The following SLC7A9 variants were observed in gnomAD, a reference collection of about 807,000 sequenced individuals.
The protein encoded by SLC7A9 is B(0,+)-type amino acid transporter 1.
Under a neutral mutation model 54.1 loss-of-function variants are expected in SLC7A9, and 38 were observed. That is an observed-to-expected ratio of 0.70 (90% CI 0.54 to 0.92). The LOEUF is 0.92. Ranked by LOEUF, SLC7A9 falls within the 40% of genes least tolerant of loss-of-function variation. The pLI is 0.00. For synonymous variants in SLC7A9, 264 were observed against 258.9 expected, an observed-to-expected ratio of 1.02 and a Z score of -0.19; for missense variants, 537 against 636.1, an observed-to-expected ratio of 0.84 and a Z score of 1.68.
chr19:32,840,592 A>G (rs1157383945), intron 11 of SLC7A9, among the ~76,000 whole-genome samples: 3 of 152,002 alleles, frequency 2.0e-5, no homozygotes, highest in Non-Finnish European at 4.4e-5. Context: ...AGAGATTTGT[A>G]TCCACAGGCT....
chr19:32,865,231 C>T (rs553017064), intron 2 of SLC7A9, among the ~76,000 whole-genome samples: 20 of 152,294 alleles, frequency 1.3e-4, no homozygotes, highest in Non-Finnish European at 1.8e-4. Context: ...GGGTGAGCAA[C>T]GGAGGCCTCC....
intron 10 of SLC7A9, 97 bp from the exon 11 acceptor site, chr19:32,842,414 CT>C: frequency 8.0e-7 from 1 of 1,247,208 alleles, no homozygotes; most frequent in Non-Finnish European, 1.2e-6. Flanking sequence ...TGAATAAACA[CT>C]TTAGCATGAA....
At chr19:32,868,427 C>T (rs758291409) in intron 2 of SLC7A9, 21 bp downstream of exon 2, 13 of 1,605,222 alleles carry the variant, frequency 8.1e-6, no homozygotes, top group Admixed American at 3.3e-5. Context: ...AAAGGGCCTG[C>T]CCCACCAGAG....
intron 11 of SLC7A9, among the ~76,000 whole-genome samples, chr19:32,834,659 A>C (rs189635917): frequency 6.6e-4 from 101 of 152,242 alleles, no homozygotes; most frequent in Admixed American, 1.3e-3. Flanking sequence ...GGGTGATTGG[A>C]GTACTCATTA....
intron 2 of SLC7A9, among the ~76,000 whole-genome samples, chr19:32,865,965 A>G (rs1339552463): frequency 1.3e-5 from 2 of 151,992 alleles, no homozygotes; most frequent in South Asian, 4.2e-4. Flanking sequence ...TCTCAAAAAA[A>G]AAAAAAAAAA....
rs143927415 is a variant in SLC7A9 at position 32,842,196 on chromosome 19, G to A, written c.1196C>T (p.Thr399Ile). The A allele has an allele frequency of 1.9e-5, 31 of 1,613,980 alleles. No homozygotes were observed. The highest frequency in any genetic ancestry group is 2.5e-5 in the Non-Finnish European group (30 of 1,180,040). The change falls in exon 11 of 13, where the codon ACA (threonine) becomes ATA (isoleucine). Residue 399 changes from threonine to isoleucine, a missense_variant. Transcript: ENST00000023064. ...TILGLIVMRF[T>I]RKELERPIKV... ...GATAGGCCTTTCCAGCTCTTTCCTTGTAAATCTCATCACGATGAGTCCTAG... is the reference window on the plus strand; with the variant it reads ...GATAGGCCTTTCCAGCTCTTTCCTTATAAATCTCATCACGATGAGTCCTAG...
Position 32,859,886 on chromosome 19 carries a change from G to A in SLC7A9, c.828C>T (p.Thr276=), listed in dbSNP as rs141334788. ...CYILMNVSYF[T]VMTATELLQS... The stretch of plus-strand genomic sequence containing the variant: ...GCAGGAGTTCGGTGGCAGTCATCAC[G>A]GTGAAGTAGGACACGTTCATGAGGA... The change falls in exon 8 of 13, where the codon ACC becomes ACT. Residue 276 remains threonine, a synonymous_variant. Transcript: ENST00000023064. 3.3e-5 allele frequency: 54 copies of A among 1,614,040 alleles called. No individual in the cohort carries two copies. Among genetic ancestry groups the A allele is most frequent in the South Asian group, 9.9e-5 (9 of 91,080 alleles).
intron 11 of SLC7A9, among the ~76,000 whole-genome samples, chr19:32,837,999 T>C (rs1347531284): frequency 6.6e-6 from 1 of 152,150 alleles, no homozygotes. Flanking sequence ...AGGAAGGTAT[T>C]CTGAGGGAGA....
chr19:32,842,338 T>C (rs752734048), intron 10 of SLC7A9, 21 bp from the exon 11 acceptor site: 4 of 1,609,824 alleles, frequency 2.5e-6, no homozygotes. Flanking sequence ...GAAGAATGGA[T>C]TTGTAGGTCA....
chr19:32,850,307 T>C (rs1293434229), intron 9 of SLC7A9, among the ~76,000 whole-genome samples: 4 of 148,672 alleles, frequency 2.7e-5, no homozygotes, highest in Non-Finnish European at 4.5e-5. Flanking sequence ...CAAAATCTCC[T>C]TAAGCTGATA....
chr19:32,835,580 T>A (rs542704822), intron 11 of SLC7A9, among the ~76,000 whole-genome samples: 18 of 152,254 alleles, frequency 1.2e-4, no homozygotes, highest in Middle Eastern at 3.4e-3. Context: ...ATCAGACAAT[T>A]CCAGTATTGC....
intron 7 of SLC7A9, chr19:32,860,216 T>C: frequency 2.8e-6 from 4 of 1,446,118 alleles, no homozygotes; most frequent in Non-Finnish European, 3.6e-6. Flanking sequence ...GCCACTGCTC[T>C]GTCCCAAACC....
chr19:32,860,910 G>A (rs1200215370), intron 6 of SLC7A9, among the ~76,000 whole-genome samples: 1 of 152,200 alleles, frequency 6.6e-6, no homozygotes, highest in Non-Finnish European at 1.5e-5. Context: ...GAATAATCAG[G>A]AGTAGTGAGT....
chr19:32,842,206 T>C lies in SLC7A9; in HGVS notation c.1186A>G (p.Met396Val). The change falls in exon 11 of 13, where the codon ATG becomes GTG. Residue 396 changes from methionine (M) to valine (V), a missense_variant. By Grantham distance (21) the Met-to-Val change is conservative. Coordinates refer to ENST00000023064, the MANE Select transcript of SLC7A9 (RefSeq NM_014270.5). ...YGLTILGLIV[M>V]RFTRKELERP... The stretch of plus-strand genomic sequence containing the variant: ...TCCAGCTCTTTCCTTGTAAATCTCA[T>C]CACGATGAGTCCTAGAATCGTCAGG... The C allele has an allele frequency of 6.2e-7, 1 of 1,614,106 alleles. No individual in the cohort carries two copies. The highest frequency in any genetic ancestry group is 1.1e-5 in the South Asian group (1 of 91,068).
chr19:32,867,718 G>A (rs1461619489), intron 2 of SLC7A9, among the ~76,000 whole-genome samples: 1 of 151,992 alleles, frequency 6.6e-6, no homozygotes, highest in East Asian at 1.9e-4. Flanking sequence ...GCCGAGGTGG[G>A]CGGATCACTT....
At chr19:32,868,272 G>A (rs891674636) in intron 2 of SLC7A9, among the ~76,000 whole-genome samples, 176 bp downstream of exon 2, 1 of 151,128 alleles carries the variant, frequency 6.6e-6, no homozygotes, top group Admixed American at 6.6e-5. Context: ...ATTCCCTGGC[G>A]AGAGGGAAAG....
intron 9 of SLC7A9, 91 bp downstream of exon 9, chr19:32,858,346 GAAC>G: frequency 1.1e-6 from 1 of 900,834 alleles, no homozygotes; most frequent in South Asian, 1.4e-5. Flanking sequence ...TCGCCTGGCA[GAAC>G]CCTGAGGATT....
chr19:32,833,295 GTCA>G lies in SLC7A9; in HGVS notation c.1250_1252del (p.Met417del). ...CAGAACCAAAAACACAGAGATGAGT[GTCA>G]TCAAGACGGGAATGACTACGGGCAC... is the stretch of plus-strand genomic sequence containing the variant. On this transcript the variant is annotated inframe_deletion, in exon 12 of 13. Transcript: ENST00000023064. 1 of 1,614,140 alleles carries G rather than the reference GTCA, an allele frequency of 6.2e-7. No homozygotes were observed. The highest frequency in any genetic ancestry group is 8.5e-7 in the Non-Finnish European group (1 of 1,180,034).
At chr19:32,864,548 G>T in intron 3 of SLC7A9, 81 bp downstream of exon 3, 1 of 1,579,336 alleles carries the variant, frequency 6.3e-7, no homozygotes, top group Non-Finnish European at 8.6e-7. Flanking sequence ...TACTGGCAGG[G>T]TGAGGGCTGG....
Sources: allele counts gnomAD v4.1 joint callset (sites outside exome capture counted in the v4.1 genomes callset), GRCh38; gene constraint gnomAD v4.1.1; transcripts MANE v1.5; gene names NCBI Gene and HGNC (gene_info 2026-07-23, HGNC 2026-07-21).